The following FANCB variants were observed in gnomAD, a reference collection of about 807,000 sequenced individuals.
FANCB encodes the protein FA complementation group B.
A neutral mutation model predicts 38.9 loss-of-function variants in FANCB; 5 were observed. The ratio of observed to expected loss-of-function variants is 0.13; its 90% CI spans 0.07 to 0.27. FANCB has a LOEUF of 0.27. Among genes scored for constraint, FANCB ranks in the 10% least tolerant of loss-of-function variants. The pLI is 1.00. For missense variants in FANCB, 573 were observed against 602.7 expected, an observed-to-expected ratio of 0.95 and a Z score of 0.52; for synonymous variants, 236 against 215.4, an observed-to-expected ratio of 1.10 and a Z score of -0.84.
chrX:14,821,124 CTT>C, the FANCB span, among the ~76,000 whole-genome samples: 1 of 107,681 alleles, frequency 9.3e-6, no homozygotes, highest in African/African-American at 3.4e-5. Flanking sequence ...GTCTATACAA[CTT>C]TTTTTTTTGC....
chrX:14,802,951 T>C, the FANCB span, among the ~76,000 whole-genome samples: 1 of 112,030 alleles, frequency 8.9e-6, no homozygotes, highest in African/African-American at 3.2e-5. Flanking sequence ...ATCCAAGAAA[T>C]GCACAGGCCT....
At chrX:14,867,365 G>C (rs2092473995) in intron 2 of FANCB, among the ~76,000 whole-genome samples, 2 of 111,564 alleles carry the variant, frequency 1.8e-5, no homozygotes, top group South Asian at 3.7e-4. Context: ...AAACAGCATG[G>C]TACCGACATA....
the FANCB span, among the ~76,000 whole-genome samples, chrX:14,759,228 A>G: frequency 8.9e-6 from 1 of 111,961 alleles, no homozygotes; most frequent in African/African-American, 3.2e-5. Context: ...ATTATGTTAA[A>G]TGACCAAACC....
the FANCB span, among the ~76,000 whole-genome samples, chrX:14,784,502 T>C: frequency 1.8e-5 from 2 of 112,096 alleles, no homozygotes; most frequent in African/African-American, 6.5e-5. Flanking sequence ...CCTGCCTCCT[T>C]CTTAGTAAGA....
At chrX:14,741,134 T>A in the FANCB span, among the ~76,000 whole-genome samples, 12 of 111,368 alleles carry the variant, frequency 1.1e-4, no homozygotes, top group Admixed American at 1.1e-3. Context: ...TAACATTTAT[T>A]AGGGAGTTAA....
downstream of FANCB, chrX:14,843,294 C>T (rs1402653553): frequency 3.4e-6 from 1 of 291,717 alleles, no homozygotes; most frequent in East Asian, 6.2e-5. Flanking sequence ...CCCATAGCAC[C>T]CCTGCCTCAC....
the FANCB span, among the ~76,000 whole-genome samples, chrX:14,707,903 C>T: frequency 9.0e-6 from 1 of 111,078 alleles, no homozygotes; most frequent in Non-Finnish European, 1.9e-5. Flanking sequence ...TATGTATACA[C>T]TGTGAAATAA....
intron 6 of FANCB, among the ~76,000 whole-genome samples, chrX:14,851,358 T>C (rs1442561027): frequency 8.9e-6 from 1 of 111,808 alleles, no homozygotes; most frequent in Non-Finnish European, 1.9e-5. Context: ...AAAAATGAGG[T>C]ACAGGGAAGT....
At chrX:14,839,631 G>GA (rs1386381334), downstream of FANCB, among the ~76,000 whole-genome samples, 1 of 110,667 alleles carries the variant, frequency 9.0e-6, no homozygotes, top group Non-Finnish European at 1.9e-5. Context: ...ACTCAAAAAG[G>GA]AAAAAAAGCA....
At chrX:14,777,938 G>C in the FANCB span, among the ~76,000 whole-genome samples, 3 of 111,941 alleles carry the variant, frequency 2.7e-5, no homozygotes, top group East Asian at 8.4e-4. Context: ...GGATCTCTAA[G>C]ACCTACATGT....
At chrX:14,729,670 A>G in the FANCB span, among the ~76,000 whole-genome samples, 2 of 111,466 alleles carry the variant, frequency 1.8e-5, no homozygotes, top group East Asian at 2.8e-4. Flanking sequence ...GGGAACAGGT[A>G]TATATATAAG....
At chrX:14,821,580 T>A in the FANCB span, among the ~76,000 whole-genome samples, 1 of 112,151 alleles carries the variant, frequency 8.9e-6, no homozygotes, top group Non-Finnish European at 1.9e-5. Context: ...AAACATTCAG[T>A]ATAATTTATG....
chrX:14,774,095 C>T, the FANCB span, among the ~76,000 whole-genome samples: 2 of 111,421 alleles, frequency 1.8e-5, no homozygotes, highest in Non-Finnish European at 3.8e-5. Context: ...ATAATAAATT[C>T]GAGTATGAAA....
chrX:14,744,539 A>C, the FANCB span, among the ~76,000 whole-genome samples: 1 of 112,111 alleles, frequency 8.9e-6, no homozygotes, highest in African/African-American at 3.2e-5. Flanking sequence ...GCATCAATGA[A>C]CATTCAATTT....
At chrX:14,726,246 CAATT>C in the FANCB span, among the ~76,000 whole-genome samples, 1 of 111,746 alleles carries the variant, frequency 8.9e-6, no homozygotes, top group African/African-American at 3.3e-5. Context: ...GCTAGAAAGG[CAATT>C]AGTCATTTAT....
intron 5 of FANCB, 142 bp downstream of exon 5, chrX:14,857,720 G>A: frequency 2.0e-6 from 1 of 506,179 alleles, no homozygotes. Context: ...GTACAGAGGT[G>A]CCAAAAAGAT....
chrX:14,786,941 G>A, the FANCB span, among the ~76,000 whole-genome samples: 1 of 111,784 alleles, frequency 8.9e-6, no homozygotes, highest in Admixed American at 9.5e-5. Flanking sequence ...GAAGTGAAAT[G>A]TCAGAATGCA....
At chrX:14,733,919 G>A in the FANCB span, among the ~76,000 whole-genome samples, 1 of 111,553 alleles carries the variant, frequency 9.0e-6, no homozygotes, top group African/African-American at 3.3e-5. Context: ...TAGGACCCAT[G>A]GTTTTATTTT....
At chrX:14,836,931 CTG>C (rs10557767) in intron 10 of FANCB, among the ~76,000 whole-genome samples, 3,906 of 111,909 alleles carry the variant, frequency 0.035, 137 homozygotes, top group African/African-American at 0.11. Context: ...CTCTCTGCCA[CTG>C]TCTCTTCCAT....
Sources: allele counts gnomAD v4.1 joint callset (sites outside exome capture counted in the v4.1 genomes callset), GRCh38; gene constraint gnomAD v4.1.1; transcripts MANE v1.5; gene names NCBI Gene and HGNC (gene_info 2026-07-23, HGNC 2026-07-21).